Variants in ITIH4 observed in about 807,000 individuals in gnomAD.
The protein encoded by ITIH4 is inter-alpha-trypsin inhibitor heavy chain 4, also known as inter-alpha-trypsin inhibitor heavy chain H4.
Under a neutral mutation model 111.8 loss-of-function variants are expected in ITIH4, and 79 were observed. The observed-to-expected ratio is 0.71, with a 90% CI of 0.59 to 0.85. The LOEUF is 0.85. Among genes scored for constraint, ITIH4 ranks in the 40% least tolerant of loss-of-function variants. The pLI is 0.00. For synonymous variants in ITIH4, 472 were observed against 468.3 expected (o/e 1.01, Z -0.10); for missense variants, 1,065 against 1,195.8 (o/e 0.89, Z 1.61).
intron 11 of ITIH4, among the ~76,000 whole-genome samples, chr3:52,822,698 C>T (rs1021467681): frequency 2.6e-5 from 4 of 152,162 alleles, no homozygotes; most frequent in Non-Finnish European, 5.9e-5. Flanking sequence ...CCACGCAGAC[C>T]GTACCAACAG....
In ITIH4 at chr3:52,824,431, G is replaced by A. The variant is rs988083038; in HGVS notation, c.1011C>T (p.Ala337=). 6.2e-7 allele frequency: 1 copy of A among 1,614,044 alleles called. No homozygotes were observed. Among genetic ancestry groups the A allele is most frequent in the Non-Finnish European group, 8.5e-7 (1 of 1,180,036 alleles). The change falls in exon 8 of 24, where the codon GCC becomes GCT. Residue 337 remains alanine (A), a synonymous_variant. Transcript: ENST00000266041. This position sits in a 1 kb window ranked among gnomAD's most constrained non-coding sequence, Gnocchi z 4.3. The stretch of plus-strand genomic sequence containing the variant: ...CCTGGATGCCCGCAGCAAAGCTCCT[G>A]GCCTTGTTCACGTTCTCGGCTGAGG... The part of the protein sequence containing the change: ...VPASAENVNK[A]RSFAAGIQAL...
chr3:52,823,903 A>G lies in ITIH4; in HGVS notation c.1273T>C (p.Phe425Leu). The G allele has an allele frequency of 6.2e-7, 1 of 1,613,320 alleles. No homozygotes were observed. The highest frequency in any genetic ancestry group is 2.2e-5 in the East Asian group (1 of 44,870). Residue 425 changes from phenylalanine (F) to leucine (L), a missense_variant, in exon 10 of 24, where the codon TTC (phenylalanine) becomes CTC (leucine). Physicochemically the swap from Phe to Leu is conservative, Grantham distance 22. Coordinates refer to ENST00000266041, the MANE Select transcript of ITIH4 (RefSeq NM_002218.5). Reference sequence around the variant, plus strand: ...TTGTCCAGTGCCAGCTTCTCCAGGAAGGCATAGCTGACGTCGAAACCGAAG... The same window carrying G: ...TTGTCCAGTGCCAGCTTCTCCAGGAGGGCATAGCTGACGTCGAAACCGAAG... ...LGFGFDVSYA[F>L]LEKLALDNGG...
rs574203520 is a variant in ITIH4, at chr3:52,829,006, G to C, written c.251+113C>G. 1.2e-4 allele frequency: 123 copies of C among 985,798 alleles called. 1 individual carries two copies. In the East Asian group the frequency reaches 3.0e-3, roughly 24 times the overall value. 61.1% of individuals were successfully genotyped at this position (985,798 alleles called of 1,614,324 possible). On this transcript the variant is annotated intron_variant, in intron 2 of 23. Transcript: ENST00000266041. ...GGCCCCAGGTGCAGGGTGTACTCCTGAAGATGTACACCCTGGCATGCCTTA... is the reference window on the plus strand; with the variant it reads ...GGCCCCAGGTGCAGGGTGTACTCCTCAAGATGTACACCCTGGCATGCCTTA...
chr3:52,828,986 C>A, intron 2 of ITIH4, 133 bp downstream of exon 2: 1 of 738,890 alleles, frequency 1.4e-6, no homozygotes, highest in South Asian at 2.8e-5. Flanking sequence ...TGTGTGGCCC[C>A]AGGTGCAGGG....
At position 52,818,188 on chromosome 3, in the gene ITIH4, G is replaced by A. The variant is rs769804579; in HGVS notation, c.2180-20C>T. On this transcript the variant is annotated intron_variant, in intron 19 of 23. Coordinates refer to ENST00000266041, the MANE Select transcript of ITIH4 (RefSeq NM_002218.5). ...TGGGGGCTGGGACAGCCGGGGCACG[G>A]CTCCTGGAGCAGGAAGGGCAGGCTG... 10 of 1,601,768 alleles carry A rather than the reference G, an allele frequency of 6.2e-6. No homozygotes were observed. The highest frequency in any genetic ancestry group is 8.5e-6 in the Non-Finnish European group (10 of 1,172,008).
chr3:52,816,132 C>T (rs945871818), intron 21 of ITIH4, among the ~76,000 whole-genome samples: 1 of 152,208 alleles, frequency 6.6e-6, no homozygotes, highest in Non-Finnish European at 1.5e-5. Context: ...AAAGGGTGAG[C>T]TGTGGCACAG....
chr3:52,825,915 C>A lies in ITIH4; in HGVS notation c.730G>T (p.Asp244Tyr), dbSNP rs568584343. 2.6e-5 allele frequency: 42 copies of A among 1,613,948 alleles called. No individual in the cohort carries two copies. The highest frequency in any genetic ancestry group is 3.6e-5 in the Non-Finnish European group (42 of 1,179,992). Residue 244 changes from aspartate (D) to tyrosine (Y), a missense_variant, in exon 6 of 24, where the codon GAC becomes TAC. By Grantham distance (160) the Asp-to-Tyr change is radical. Transcript: ENST00000266041. ...ATGGAGCCCCCGGAGATGGCCCGGT[C>A]CACATCATAGCGGATAATGAGGTTG... Reference protein sequence around the residue: ...DGNLIIRYDVDRAISGGSIQI... With the variant: ...DGNLIIRYDVYRAISGGSIQI...
chr3:52,824,478 ACT>A lies in ITIH4; in HGVS notation c.962_963del (p.Gln321LeufsTer33). On this transcript the variant is annotated frameshift_variant, in exon 8 of 24. Transcript: ENST00000266041. LOFTEE classifies it high-confidence loss of function. The surrounding 1 kb of genome is among the most constrained non-coding windows in gnomAD (Gnocchi z 4.3). ...NLIVFSTEAT[Q>X]WRPSLVPASA... ...GAGGCTGGCACCAGTGATGGCCTCC[ACT>A]GAGTTGCTTCTGTACTGAAGACGAT... 1 of 1,614,122 alleles carries A rather than the reference ACT, an allele frequency of 6.2e-7. No homozygotes were observed. The highest frequency in any genetic ancestry group is 8.5e-7 in the Non-Finnish European group (1 of 1,180,026).
In ITIH4 at chr3:52,816,767, T is replaced by A. The variant is rs1414323947; in HGVS notation, c.2471+117A>T. ...AGGGCTCTTGTCTCTTTGCCCCTCC[T>A]GTGAGTGTAGCTGCTCCATTCTCAG... is the stretch of plus-strand genomic sequence containing the variant. On this transcript the variant is annotated intron_variant, in intron 21 of 23. Coordinates refer to ENST00000266041, the MANE Select transcript of ITIH4 (RefSeq NM_002218.5). 1.1e-5 allele frequency: 11 copies of A among 975,146 alleles called. No homozygotes were observed. The South Asian group carries it at 1.7e-4, about 15-fold the overall frequency. 60.4% of individuals were successfully genotyped at this position (975,146 alleles called of 1,614,324 possible). A position where few individuals can be genotyped will look rare whatever the true frequency, so the allele number is the denominator to read the frequency against.
At position 52,818,123 on chromosome 3, in the gene ITIH4, C is replaced by T. The variant is rs1700311493; in HGVS notation, c.2225G>A (p.Ser742Asn). The T allele has an allele frequency of 6.2e-7, 1 of 1,613,854 alleles. No homozygotes were observed. The highest frequency in any genetic ancestry group is 1.7e-5 in the Admixed American group (1 of 60,004). ...GGGGTCCACACAGAGCCGCTCCACA[C>T]TCTGCCCAGGCAGTGGCAGGATGGC... The part of the protein sequence containing the change: ...PSAILPLPGQ[S>N]VERLCVDPRH... Residue 742 changes from serine (S) to asparagine (N), a missense_variant, in exon 20 of 24, where the codon AGT becomes AAT. Ser to Asn is a conservative substitution (Grantham distance 46). Coordinates refer to ENST00000266041, the MANE Select transcript of ITIH4 (RefSeq NM_002218.5).
chr3:52,821,897 G>A (rs770857915), intron 11 of ITIH4, among the ~76,000 whole-genome samples: 3 of 152,152 alleles, frequency 2.0e-5, no homozygotes, highest in Admixed American at 6.5e-5. Context: ...CCTGTCTCTC[G>A]CCCAGAGCCT....
At position 52,814,306 on chromosome 3, in the gene ITIH4, C is replaced by T; in HGVS notation, c.2529G>A (p.Val843=). The change falls in exon 22 of 24, where the codon GTG becomes GTA. Residue 843 remains valine, a synonymous_variant. Coordinates refer to ENST00000266041, the MANE Select transcript of ITIH4 (RefSeq NM_002218.5). ...GLLLLSDPDK[V]TIGLLFWDGR... ...CATCCCAGAACAACAGGCCGATGGT[C>T]ACTTTGTCTGGGTCACTGAGCAGCA... 6.2e-7 allele frequency: 1 copy of T among 1,614,084 alleles called. No homozygotes were observed. The highest frequency in any genetic ancestry group is 8.5e-7 in the Non-Finnish European group (1 of 1,180,014).
At position 52,824,308 on chromosome 3, in the gene ITIH4, G is replaced by C; in HGVS notation, c.1053C>G (p.Asn351Lys). 6.2e-7 allele frequency: 1 copy of C among 1,613,148 alleles called. No homozygotes were observed. The highest frequency in any genetic ancestry group is 8.5e-7 in the Non-Finnish European group (1 of 1,179,392). The change falls in exon 9 of 24, where the codon AAC (asparagine) becomes AAG (lysine). Residue 351 changes from asparagine (N) to lysine (K), a missense_variant. Asn to Lys is a moderately conservative substitution (Grantham distance 94). Coordinates refer to ENST00000266041, the MANE Select transcript of ITIH4 (RefSeq NM_002218.5). The surrounding 1 kb of genome is among the most constrained non-coding windows in gnomAD (Gnocchi z 4.3). Reference protein sequence around the residue: ...AAGIQALGGTNINDAMLMAVQ... With the variant: ...AAGIQALGGTKINDAMLMAVQ... ...CAGCCATCAGCATTGCATCATTGAT[G>C]TTGGTCCCTGAGGAACACGCACTCT...
rs1700317201 is a variant in ITIH4, at chr3:52,818,432, T to G, written c.2152+30A>C. Reference sequence around the variant, plus strand: ...TCACTCCCCTCCCAGGATCCCCCTGTTAGGACAGGGCCTCTGGCCTTGGGG... The same window carrying G: ...TCACTCCCCTCCCAGGATCCCCCTGGTAGGACAGGGCCTCTGGCCTTGGGG... On this transcript the variant is annotated intron_variant, in intron 18 of 23. Coordinates refer to ENST00000266041, the MANE Select transcript of ITIH4 (RefSeq NM_002218.5). 8 of 1,589,036 alleles carry G rather than the reference T, an allele frequency of 5.0e-6. No individual in the cohort carries two copies. The South Asian group carries it at 9.0e-5, about 18-fold the overall frequency.
At chr3:52,820,523 C>T in intron 13 of ITIH4, 108 bp downstream of exon 13, 1 of 1,368,312 alleles carries the variant, frequency 7.3e-7, no homozygotes, top group Non-Finnish European at 1.0e-6. Flanking sequence ...CAGGGGGAGT[C>T]TGTTGGGGGC....
chr3:52,815,745 C>T (rs1248432663), intron 21 of ITIH4, among the ~76,000 whole-genome samples: 4 of 150,414 alleles, frequency 2.7e-5, no homozygotes, highest in South Asian at 2.1e-4. Context: ...CAGGCTGGAG[C>T]GCAGTGGTGT....
In ITIH4 at chr3:52,823,940, G is replaced by C; in HGVS notation, c.1236C>G (p.Leu412=). The change falls in exon 10 of 24, where the codon CTC becomes CTG. Residue 412 remains leucine, a synonymous_variant. Coordinates refer to ENST00000266041, the MANE Select transcript of ITIH4 (RefSeq NM_002218.5). ...CGTCGAAACCGAAGCCCAGGCAGAA[G>C]AGGCTGTACCGGCCACTTACAGCTT... ...VREAVSGRYS[L]FCLGFGFDVS... The C allele has an allele frequency of 6.2e-7, 1 of 1,604,436 alleles. No individual in the cohort carries two copies. The highest frequency in any genetic ancestry group is 8.5e-7 in the Non-Finnish European group (1 of 1,175,728).
intron 16 of ITIH4, 74 bp downstream of exon 16, chr3:52,819,680 G>A: frequency 3.2e-6 from 5 of 1,584,556 alleles, no homozygotes; most frequent in South Asian, 1.1e-5. Flanking sequence ...GCTGGGAGAT[G>A]AACAATAATG....
In ITIH4 at chr3:52,819,761, A is replaced by G; in HGVS notation, c.1944T>C (p.Asn648=). Reference sequence around the variant, plus strand: ...CAGAAACCCTCAAACTACCTTGTCTATTCCATCCTCTTCTTGGAGAAAAGG... The same window carrying G: ...CAGAAACCCTCAAACTACCTTGTCTGTTCCATCCTCTTCTTGGAGAAAAGG... ...EASFSPRRGW[N]RQAGAAGSRM... The change falls in exon 16 of 24, where the codon AAT becomes AAC. Residue 648 remains asparagine (N), a synonymous_variant. Coordinates refer to ENST00000266041, the MANE Select transcript of ITIH4 (RefSeq NM_002218.5). 1 of 1,613,966 alleles carries G rather than the reference A, an allele frequency of 6.2e-7. No individual in the cohort carries two copies. Among genetic ancestry groups the G allele is most frequent in the Non-Finnish European group, 8.5e-7 (1 of 1,179,954 alleles).
Sources: allele counts gnomAD v4.1 joint callset (sites outside exome capture counted in the v4.1 genomes callset), GRCh38; gene constraint gnomAD v4.1.1; non-coding constraint Gnocchi (gnomAD v3.1); transcripts MANE v1.5; gene names NCBI Gene and HGNC (gene_info 2026-07-23, HGNC 2026-07-21).